The following XCR1 variants were observed in gnomAD, a reference collection of about 807,000 sequenced individuals.
XCR1 encodes X-C motif chemokine receptor 1, also known as chemokine XC receptor 1.
For synonymous variants in XCR1, 187 were observed against 188.5 expected (o/e 0.99, Z 0.06); for missense variants, 356 against 424.2 (o/e 0.84, Z 1.41).
At chr3:46,034,818 A>G (rs1187958475) in intron 5 of XCR1, among the ~76,000 whole-genome samples, 1 of 152,188 alleles carries the variant, frequency 6.6e-6, no homozygotes, top group Non-Finnish European at 1.5e-5. Context: ...GTTTTACCTG[A>G]GTTTCTTCCT....
intron 5 of XCR1, among the ~76,000 whole-genome samples, chr3:46,049,209 C>T (rs1296068460): frequency 6.6e-6 from 1 of 152,138 alleles, no homozygotes; most frequent in African/African-American, 2.4e-5. Context: ...AGCCAAACCT[C>T]GTGGATTACA....
At chr3:46,048,747 G>A (rs1697681896) in intron 5 of XCR1, among the ~76,000 whole-genome samples, 1 of 152,038 alleles carries the variant, frequency 6.6e-6, no homozygotes, top group South Asian at 2.1e-4. Context: ...TCTAACACTT[G>A]CCAATGTCTT....
intron 1 of XCR1, among the ~76,000 whole-genome samples, chr3:46,025,426 G>A (rs1047568287): frequency 2.6e-5 from 4 of 152,046 alleles, no homozygotes; most frequent in Admixed American, 6.6e-5. Context: ...GAAAGAGAGA[G>A]AGAGAGAGAG....
At position 46,050,357 on chromosome 3, in the gene XCR1, T is replaced by C. The variant is rs1043091208; in HGVS notation, c.-32+3563A>G. Among the ~76,000 whole-genome samples the C allele has an allele frequency of 2.2e-4, 33 of 152,248 alleles. 1 individual carries two copies. The highest frequency in any genetic ancestry group is 2.2e-3 in the Admixed American group (33 of 15,288). Reference sequence around the variant, plus strand: ...AATATCTCCTAATTGTTGAAAATCATTTAAAGTCTGTAACCTGTCTTTACA... The same window carrying C: ...AATATCTCCTAATTGTTGAAAATCACTTAAAGTCTGTAACCTGTCTTTACA... On this transcript the variant is annotated intron_variant, in intron 5 of 5. Transcript: ENST00000683768.
intron 4 of XCR1, among the ~76,000 whole-genome samples, chr3:46,066,282 G>T (rs1698070645): frequency 6.7e-6 from 1 of 149,264 alleles, no homozygotes; most frequent in Non-Finnish European, 1.5e-5. Flanking sequence ...GTCTCACTCT[G>T]TCACCAGGCT....
chr3:46,034,875 A>G lies in XCR1; in HGVS notation c.-31-12897T>C, dbSNP rs1697393587. ...TCAAAAAAATTATCAACCACCAGAA[A>G]CTCACCATATCACCGCATCCAGATA... On this transcript the variant is annotated intron_variant, in intron 5 of 5. Coordinates refer to the XCR1 transcript ENST00000683768. Among the ~76,000 whole-genome samples, 5 of 152,118 alleles carry G rather than the reference A, an allele frequency of 3.3e-5. No individual in the cohort carries two copies. The South Asian group carries it at 1.0e-3, about 32-fold the overall frequency.
intron 5 of XCR1, among the ~76,000 whole-genome samples, chr3:46,040,076 A>G (rs756200274): frequency 6.6e-6 from 1 of 152,198 alleles, no homozygotes; most frequent in Non-Finnish European, 1.5e-5. Context: ...TTTGAACACA[A>G]TTTTCATGCA....
chr3:46,024,999 A>G (rs991001372), intron 1 of XCR1, among the ~76,000 whole-genome samples: 1 of 152,202 alleles, frequency 6.6e-6, no homozygotes, highest in African/African-American at 2.4e-5. Context: ...TAATAATGAA[A>G]ATACCACATA....
At chr3:46,050,955 G>T (rs577912960) in intron 5 of XCR1, among the ~76,000 whole-genome samples, 1 of 152,214 alleles carries the variant, frequency 6.6e-6, no homozygotes, top group Non-Finnish European at 1.5e-5. Context: ...GAATTCCAGG[G>T]GCTGACTTTT....
chr3:46,076,490 T>G (rs1367382950), intron 2 of XCR1, among the ~76,000 whole-genome samples: 2 of 151,462 alleles, frequency 1.3e-5, no homozygotes, highest in Non-Finnish European at 2.9e-5. Context: ...AGAAAGACAC[T>G]CATCTTGCAG....
Position 46,080,605 on chromosome 3 carries a change from A to G in XCR1, c.-514-3679T>C, listed in dbSNP as rs114738043. Reference sequence around the variant, plus strand: ...AAACCCCAGCCCCCCTGCCAAACAAACAAACAAGAACTTTATTAGAAGCAG... The same window carrying G: ...AAACCCCAGCCCCCCTGCCAAACAAGCAAACAAGAACTTTATTAGAAGCAG... On this transcript the variant is annotated intron_variant, in intron 1 of 5. Coordinates refer to the XCR1 transcript ENST00000683768. Among the ~76,000 whole-genome samples the G allele has an allele frequency of 8.2e-3, 1,251 of 152,270 alleles. 5 individuals carry two copies. The highest frequency in any genetic ancestry group is 0.017 in the Middle Eastern group (5 of 292).
intron 5 of XCR1, among the ~76,000 whole-genome samples, chr3:46,049,344 G>A (rs902328070): frequency 1.3e-5 from 2 of 152,142 alleles, no homozygotes; most frequent in East Asian, 1.9e-4. Context: ...GTGCAGAAGC[G>A]CATGAGATGC....
intron 5 of XCR1, among the ~76,000 whole-genome samples, chr3:46,034,088 TCAG>T (rs1697371193): frequency 6.6e-6 from 1 of 152,170 alleles, no homozygotes; most frequent in Non-Finnish European, 1.5e-5. Flanking sequence ...TTCTCCTGTA[TCAG>T]CCTCTGGAGT....
At chr3:46,033,062 T>A (rs974381) in intron 5 of XCR1, among the ~76,000 whole-genome samples, 121,568 of 151,920 alleles carry the variant, frequency 0.8, 49,004 homozygotes, top group East Asian at 0.99. Context: ...ATTTTCTCCC[T>A]GTATCTGGCT....
intron 5 of XCR1, among the ~76,000 whole-genome samples, chr3:46,047,643 T>G (rs2125898770): frequency 6.6e-6 from 1 of 152,314 alleles, no homozygotes; most frequent in Non-Finnish European, 1.5e-5. Context: ...TATTGTCTCT[T>G]GAATTGGTCC....
At chr3:46,066,032 G>A (rs1271065241) in intron 4 of XCR1, among the ~76,000 whole-genome samples, 1 of 152,154 alleles carries the variant, frequency 6.6e-6, no homozygotes, top group South Asian at 2.1e-4. Context: ...AGCACATAAG[G>A]GTGGGTGGAA....
chr3:46,033,547 T>G (rs1306547253), intron 5 of XCR1, among the ~76,000 whole-genome samples: 1 of 149,894 alleles, frequency 6.7e-6, no homozygotes, highest in East Asian at 1.9e-4. Flanking sequence ...CTTTCACCAG[T>G]GTCACACTAT....
intron 4 of XCR1, among the ~76,000 whole-genome samples, chr3:46,058,041 T>C (rs1697887436): frequency 6.6e-6 from 1 of 152,150 alleles, no homozygotes; most frequent in Non-Finnish European, 1.5e-5. Context: ...TGGTTCTGTT[T>C]CTCTAGTGAA....
chr3:46,075,553 A>G (rs978134395), intron 2 of XCR1, among the ~76,000 whole-genome samples: 2 of 152,278 alleles, frequency 1.3e-5, no homozygotes, highest in Non-Finnish European at 2.9e-5. Context: ...TTAAAATGAA[A>G]AACATTTGCC....
Sources: gnomAD v4.1 joint callset for allele counts (sites outside exome capture counted in the v4.1 genomes callset) on GRCh38, gnomAD v4.1.1 for gene constraint, MANE v1.5 for transcripts, NCBI Gene and HGNC (gene_info 2026-07-23, HGNC 2026-07-21) for gene names.